ADAMTS12: variants seen among roughly 807,000 people sequenced by gnomAD.
ADAMTS12 encodes the protein A disintegrin and metalloproteinase with thrombospondin motifs 12.
In ADAMTS12, 118 loss-of-function variants were observed where a neutral mutation model predicts 167.8. The ratio of observed to expected loss-of-function variants is 0.70; its 90% confidence interval spans 0.61 to 0.82. The LOEUF (loss-of-function observed/expected upper bound fraction) is 0.82, where lower values mean the gene tolerates loss of function less well. Ranked by LOEUF, ADAMTS12 falls within the 40% of genes least tolerant of loss-of-function variation. The probability of loss-of-function intolerance (pLI) is 0.00; values close to 1 mark genes in which losing one functional copy is unlikely to be tolerated. For missense variants in ADAMTS12, 1,916 were observed against 1,998.8 expected, an observed-to-expected ratio of 0.96 and a Z score of 0.79; for synonymous variants, 704 against 716.9, an observed-to-expected ratio of 0.98 and a Z score of 0.29.
chr5:33,883,294 A>T (rs557794490), intron 1 of ADAMTS12, among the ~76,000 whole-genome samples: 2 of 145,486 alleles, frequency 1.4e-5, no homozygotes, highest in Admixed American at 1.4e-4. Context: ...ATTATAAAAG[A>T]GTTTTTTTGT....
At chr5:33,692,910 C>G (rs1185361205) in intron 3 of ADAMTS12, among the ~76,000 whole-genome samples, 1 of 152,164 alleles carries the variant, frequency 6.6e-6, no homozygotes, top group Non-Finnish European at 1.5e-5. Context: ...CTTAAGAGAA[C>G]TGAAGGTACC....
intron 3 of ADAMTS12, among the ~76,000 whole-genome samples, chr5:33,704,981 T>C (rs1002629698): frequency 6.6e-6 from 1 of 152,158 alleles, no homozygotes; most frequent in African/African-American, 2.4e-5. Context: ...CTTGAGGGTT[T>C]TTTTGTATAT....
chr5:33,560,065 T>TA (rs1269531141), intron 20 of ADAMTS12, among the ~76,000 whole-genome samples: 1 of 152,220 alleles, frequency 6.6e-6, no homozygotes, highest in East Asian at 1.9e-4. Context: ...GATTATTCAT[T>TA]AAAATGCTAA....
At chr5:33,825,440 T>G (rs1203443079) in intron 2 of ADAMTS12, among the ~76,000 whole-genome samples, 1 of 152,184 alleles carries the variant, frequency 6.6e-6, no homozygotes, top group Non-Finnish European at 1.5e-5. Flanking sequence ...ATTTAGTCAG[T>G]GGCCAAAGCT....
chr5:33,556,938 G>A (rs1745513042), intron 20 of ADAMTS12, among the ~76,000 whole-genome samples: 1 of 152,184 alleles, frequency 6.6e-6, no homozygotes, highest in Non-Finnish European at 1.5e-5. Flanking sequence ...TGTGGCCCCC[G>A]AGTGTTCTTT....
intron 12 of ADAMTS12, among the ~76,000 whole-genome samples, chr5:33,634,434 G>T (rs1740099495): frequency 1.3e-5 from 2 of 152,122 alleles, no homozygotes; most frequent in South Asian, 2.1e-4. Context: ...GTGCACCCCT[G>T]CCACTCCTCA....
chr5:33,781,159 T>C (rs1028529492), intron 2 of ADAMTS12, among the ~76,000 whole-genome samples: 7 of 152,058 alleles, frequency 4.6e-5, no homozygotes, highest in Admixed American at 4.6e-4. Context: ...ACAGCTCCAA[T>C]TCATACATAC....
chr5:33,766,298 T>G (rs934102984), intron 2 of ADAMTS12, among the ~76,000 whole-genome samples: 6 of 152,220 alleles, frequency 3.9e-5, no homozygotes, highest in Non-Finnish European at 8.8e-5. Flanking sequence ...TTATCTCTGC[T>G]GTGTTCTTCT....
Position 33,534,926 on chromosome 5 carries a change from T to G in ADAMTS12, c.4513A>C (p.Lys1505Gln), listed in dbSNP as rs747269714. The G allele has an allele frequency of 4.3e-6, 7 of 1,613,984 alleles. No individual in the cohort carries two copies. The South Asian group carries it at 4.4e-5, about 10-fold the overall frequency. ...TVQCVPSEGNKTEDQDQCLCD... is the reference protein window; with the variant it reads ...TVQCVPSEGNQTEDQDQCLCD... ...AGACATTGGTCTTGGTCTTCAGTTT[T>G]ATTGCCCTCTGAGGGCACACATTGG... Residue 1505 changes from lysine to glutamine, a missense_variant, in exon 23 of 24, where the codon AAA (lysine) becomes CAA (glutamine). Coordinates refer to ENST00000504830, the MANE Select transcript of ADAMTS12 (RefSeq NM_030955.4).
intron 9 of ADAMTS12, 43 bp downstream of exon 9, chr5:33,648,779 G>C: frequency 6.2e-7 from 1 of 1,609,540 alleles, no homozygotes; most frequent in Non-Finnish European, 8.5e-7. Flanking sequence ...CAGCATGCTG[G>C]AGATCTGAAG....
chr5:33,643,802 A>T (rs1740560973), intron 9 of ADAMTS12, among the ~76,000 whole-genome samples: 1 of 152,248 alleles, frequency 6.6e-6, no homozygotes. Context: ...GTGATCATCT[A>T]TGAAAGGTAA....
At chr5:33,560,881 G>C (rs1480677967) in intron 20 of ADAMTS12, 146 bp downstream of exon 20, 2 of 1,091,428 alleles carry the variant, frequency 1.8e-6, no homozygotes, top group African/African-American at 1.6e-5. Flanking sequence ...TAACAAACCT[G>C]AACGTTGTGC....
In ADAMTS12 at chr5:33,881,381, G is replaced by C; in HGVS notation, c.227C>G (p.Thr76Arg). 6.2e-7 allele frequency: 1 copy of C among 1,614,128 alleles called. No individual in the cohort carries two copies. The highest frequency in any genetic ancestry group is 8.5e-7 in the Non-Finnish European group (1 of 1,180,014). Residue 76 changes from threonine (T) to arginine (R), a missense_variant, in exon 2 of 24, where the codon ACG becomes AGG. Transcript: ENST00000504830. Reference sequence around the variant, plus strand: ...CAAATCTCTCTTCCTCCTGCTGCTCGTGATGGGATAGTGCAAGCCATATGA... The same window carrying C: ...CAAATCTCTCTTCCTCCTGCTGCTCCTGATGGGATAGTGCAAGCCATATGA... Reference protein sequence around the residue: ...FLSYGLHYPITSSRRKRDLDG... With the variant: ...FLSYGLHYPIRSSRRKRDLDG...
chr5:33,636,265 T>G (rs1483951060), intron 12 of ADAMTS12, among the ~76,000 whole-genome samples: 3 of 152,172 alleles, frequency 2.0e-5, no homozygotes, highest in African/African-American at 7.2e-5. Context: ...GGCTGCTCAT[T>G]CAGAGTCTAC....
chr5:33,846,731 A>G (rs1390585966), intron 2 of ADAMTS12, among the ~76,000 whole-genome samples: 1 of 152,216 alleles, frequency 6.6e-6, no homozygotes, highest in South Asian at 2.1e-4. Flanking sequence ...TGGGTACCTA[A>G]CGAATACTTG....
rs545469924 is a variant in ADAMTS12, at chr5:33,853,086, A to G, written c.489+28033T>C. 1.9e-4 allele frequency among the ~76,000 whole-genome samples: 29 copies of G among 152,172 alleles called. 1 individual carries two copies. The highest frequency in any genetic ancestry group is 3.2e-4 in the Non-Finnish European group (22 of 68,038). On this transcript the variant is annotated intron_variant, in intron 2 of 23. Transcript: ENST00000504830. ...GTCTGCATGGGTACTGTCCTCCCGG[A>G]ACCGAGCAGGGAGCCTAATTCTTGT...
chr5:33,866,832 T>A (rs1255485216), intron 2 of ADAMTS12, among the ~76,000 whole-genome samples: 1 of 151,736 alleles, frequency 6.6e-6, no homozygotes, highest in Non-Finnish European at 1.5e-5. Context: ...AATAAACATA[T>A]GAAAAAATGC....
At chr5:33,681,767 G>C (rs1213065830) in intron 5 of ADAMTS12, among the ~76,000 whole-genome samples, 2 of 152,144 alleles carry the variant, frequency 1.3e-5, no homozygotes, top group African/African-American at 4.8e-5. Context: ...AACCAGGAGA[G>C]AGATGTTTCA....
intron 22 of ADAMTS12, among the ~76,000 whole-genome samples, chr5:33,545,261 T>G (rs1744913605): frequency 1.3e-5 from 2 of 152,152 alleles, no homozygotes; most frequent in South Asian, 4.1e-4. Context: ...CATGAAAAAA[T>G]GCTCATCATC....
Sources: allele counts gnomAD v4.1 joint callset (sites outside exome capture counted in the v4.1 genomes callset), GRCh38; gene constraint gnomAD v4.1.1; transcripts MANE v1.5; gene names NCBI Gene and HGNC (gene_info 2026-07-23, HGNC 2026-07-21).